CETN3: variants seen among roughly 807,000 people sequenced by gnomAD.
The protein encoded by CETN3 is centrin-3.
Under a neutral mutation model 20.1 loss-of-function variants are expected in CETN3, and 17 were observed. The ratio of observed to expected loss-of-function variants is 0.85; its 90% CI spans 0.58 to 1.27. The LOEUF is 1.27. Among genes scored for constraint, CETN3 ranks in the 50% most tolerant of loss-of-function variants. CETN3 has a pLI of 0.00. For missense variants in CETN3, 169 were observed against 191.2 expected (o/e 0.88, Z 0.69); for synonymous variants, 52 against 59.7 (o/e 0.87, Z 0.59).
In CETN3 at chr5:90,396,052, C is replaced by G. The variant is rs1256663523; in HGVS notation, c.461-1945G>C. The stretch of plus-strand genomic sequence containing the variant: ...TCCTTCACAATGGTAAAAATTATTA[C>G]TAATAAGAAAAATTTAGGTAAAGGT... On this transcript the variant is annotated intron_variant, in intron 4 of 4. Coordinates refer to ENST00000283122, the MANE Select transcript of CETN3 (RefSeq NM_004365.4). The G allele has an allele frequency of 1.6e-5, 15 of 919,504 alleles. No individual in the cohort carries two copies. In the South Asian group the frequency reaches 3.5e-4, roughly 22 times the overall value. The allele number at this position is 919,504 out of a possible 1,614,324, so 57.0% of individuals were successfully genotyped here.
At chr5:90,406,656 C>T (rs1749451976) in intron 2 of CETN3, among the ~76,000 whole-genome samples, 1 of 151,176 alleles carries the variant, frequency 6.6e-6, no homozygotes, top group Non-Finnish European at 1.5e-5. Flanking sequence ...GGTTTATGAG[C>T]AATGAACAAT....
chr5:90,400,078 A>G (rs925932452), intron 3 of CETN3, among the ~76,000 whole-genome samples: 3 of 152,232 alleles, frequency 2.0e-5, no homozygotes, highest in African/African-American at 7.2e-5. Context: ...ACACAGGCAC[A>G]ATCTCAGACA....
intron 3 of CETN3, among the ~76,000 whole-genome samples, chr5:90,402,940 C>A (rs1749336623): frequency 6.6e-6 from 1 of 152,112 alleles, no homozygotes; most frequent in Admixed American, 6.5e-5. Flanking sequence ...GTTAAATAAG[C>A]AAAATGAAGA....
chr5:90,401,433 C>T (rs916538536), intron 3 of CETN3, among the ~76,000 whole-genome samples: 1 of 152,088 alleles, frequency 6.6e-6, no homozygotes, highest in African/African-American at 2.4e-5. Context: ...CACAAAACTC[C>T]AAATTTCTGT....
At chr5:90,394,312 T>C (rs1380422665) in intron 4 of CETN3, among the ~76,000 whole-genome samples, 9 of 152,076 alleles carry the variant, frequency 5.9e-5, no homozygotes, top group Non-Finnish European at 1.2e-4. Context: ...AAAATACATA[T>C]AATGTGATAA....
At chr5:90,408,795 A>T (rs1380025215) in intron 1 of CETN3, among the ~76,000 whole-genome samples, 1 of 128,676 alleles carries the variant, frequency 7.8e-6, no homozygotes, top group African/African-American at 3.1e-5. Context: ...GGTCTCTGAA[A>T]GCTCCAAAAA....
At chr5:90,404,566 G>A (rs557289272) in intron 3 of CETN3, among the ~76,000 whole-genome samples, 1 of 152,078 alleles carries the variant, frequency 6.6e-6, no homozygotes, top group South Asian at 2.1e-4. Context: ...TCTCTAAACA[G>A]TCATATATTA....
In CETN3 at chr5:90,407,780, C is replaced by T. The variant is rs963947303; in HGVS notation, c.72G>A (p.Glu24=). The T allele has an allele frequency of 7.5e-6, 12 of 1,602,072 alleles. No individual in the cohort carries two copies. Among genetic ancestry groups the T allele is most frequent in the Non-Finnish European group, 9.4e-6 (11 of 1,173,580 alleles). The part of the protein sequence containing the change: ...TKRKKRRELS[E]EQKQEIKDAF... ...CATCTTTAATTTCTTGTTTCTGTTC[C>T]TCAGACAGTTCTCTTCTTTTTTTCC... The change falls in exon 2 of 5, where the codon GAG becomes GAA. Residue 24 remains glutamate (E), a synonymous_variant. Transcript: ENST00000283122.
chr5:90,409,209 A>C (rs1183206114), intron 1 of CETN3, among the ~76,000 whole-genome samples: 1 of 152,146 alleles, frequency 6.6e-6, no homozygotes, highest in African/African-American at 2.4e-5. Flanking sequence ...GCCCTGGGAG[A>C]AGAGGAAAGA....
chr5:90,408,267 T>G (rs1207298206), intron 1 of CETN3, among the ~76,000 whole-genome samples: 1 of 152,182 alleles, frequency 6.6e-6, no homozygotes, highest in Non-Finnish European at 1.5e-5. Flanking sequence ...ACAATCACTA[T>G]ATATCGGTTT....
rs919313140 is a variant in CETN3, at chr5:90,393,911, A to T, written c.*153T>A. Reference sequence around the variant, plus strand: ...CTAACAACACAGTTCATACAAAGAAACTTAACAGTAGTAAAATACAGATAT... The same window carrying T: ...CTAACAACACAGTTCATACAAAGAATCTTAACAGTAGTAAAATACAGATAT... On this transcript the variant is annotated 3_prime_UTR_variant, in exon 5 of 5. Coordinates refer to ENST00000283122, the MANE Select transcript of CETN3 (RefSeq NM_004365.4). 1.7e-6 allele frequency: 1 copy of T among 579,236 alleles called. No individual in the cohort carries two copies. The highest frequency in any genetic ancestry group is 3.6e-5 in the Admixed American group (1 of 28,054). 35.9% of individuals were successfully genotyped at this position (579,236 alleles called of 1,614,324 possible).
intron 4 of CETN3, among the ~76,000 whole-genome samples, chr5:90,395,108 C>A (rs957235017): frequency 6.6e-6 from 1 of 152,126 alleles, no homozygotes; most frequent in African/African-American, 2.4e-5. Flanking sequence ...TTTCCTTCAT[C>A]TGAAAACACT....
At chr5:90,396,427 CCT>C (rs1369700786) in intron 4 of CETN3, 6 of 1,495,978 alleles carry the variant, frequency 4.0e-6, no homozygotes, top group Admixed American at 2.2e-5. Context: ...AGCTATGATC[CCT>C]CTCTCTTTCC....
At chr5:90,405,904 A>G in intron 2 of CETN3, 105 bp from the exon 3 acceptor site, 10 of 712,318 alleles carry the variant, frequency 1.4e-5, no homozygotes, top group South Asian at 1.8e-5. Context: ...TTAATAAAAT[A>G]TAACTTTTTT....
chr5:90,400,071 C>T (rs1483801963), intron 3 of CETN3, among the ~76,000 whole-genome samples: 1 of 152,206 alleles, frequency 6.6e-6, no homozygotes. Flanking sequence ...ATCGCAGACA[C>T]AGGCACAATC....
chr5:90,394,210 A>T (rs952169107), intron 4 of CETN3, 103 bp from the exon 5 acceptor site: 3 of 702,806 alleles, frequency 4.3e-6, no homozygotes, highest in Non-Finnish European at 7.1e-6. Flanking sequence ...ATTTTACATT[A>T]TGCAAAATTA....
At position 90,394,073 on chromosome 5, in the gene CETN3, AC is replaced by A; in HGVS notation, c.494del (p.Gly165ValfsTer9). On this transcript the variant is annotated frameshift_variant, in exon 5 of 5. Transcript: ENST00000283122. LOFTEE classifies it high-confidence loss of function. ...TTATCCTTGTAATTCTTTAAATGTCACCAGTCATAATAGCAATGAACTCCTC... is the reference window on the plus strand; with the variant it reads ...TTATCCTTGTAATTCTTTAAATGTCACAGTCATAATAGCAATGAACTCCTC... The part of the protein sequence containing the change: ...NQEEFIAIMT[G>X]DI 6.5e-7 allele frequency: 1 copy of A among 1,546,366 alleles called. No homozygotes were observed. Among genetic ancestry groups the A allele is most frequent in the Non-Finnish European group, 8.9e-7 (1 of 1,126,466 alleles).
chr5:90,398,348 T>C (rs1749185708), intron 4 of CETN3, among the ~76,000 whole-genome samples: 1 of 152,128 alleles, frequency 6.6e-6, no homozygotes, highest in African/African-American at 2.4e-5. Flanking sequence ...AAAGATTCCA[T>C]ATTAAGTGTA....
chr5:90,409,339 C>G (rs1430480098), intron 1 of CETN3, among the ~76,000 whole-genome samples: 2 of 152,194 alleles, frequency 1.3e-5, no homozygotes, highest in Non-Finnish European at 2.9e-5. Context: ...ATCTGAGAAA[C>G]AAGAGTAGAA....
Sources: gnomAD v4.1 joint callset for allele counts (sites outside exome capture counted in the v4.1 genomes callset) on GRCh38, gnomAD v4.1.1 for gene constraint, MANE v1.5 for transcripts, NCBI Gene and HGNC (gene_info 2026-07-23, HGNC 2026-07-21) for gene names.